The following PCGF6 variants were observed in gnomAD, a reference collection of about 807,000 sequenced individuals.
PCGF6 encodes polycomb group ring finger 6.
PCGF6 carries 24 observed loss-of-function variants against 45.5 expected under a neutral mutation model. The observed-to-expected ratio is 0.53, with a 90% CI of 0.38 to 0.74. PCGF6 has a LOEUF of 0.74. PCGF6 is among the 30% of genes least tolerant of loss of function. The probability of loss-of-function intolerance (pLI) is 0.00; values close to 1 mark genes in which losing one functional copy is unlikely to be tolerated. For synonymous variants in PCGF6, 152 were observed against 162.1 expected (o/e 0.94, Z 0.47); for missense variants, 356 against 443.2 (o/e 0.80, Z 1.77).
chr10:103,322,882 A>C (rs1564727312), intron 8 of PCGF6, among the ~76,000 whole-genome samples: 1 of 151,728 alleles, frequency 6.6e-6, no homozygotes, highest in African/African-American at 2.4e-5. Context: ...TGCCACCAAA[A>C]AAAAAACAAA....
chr10:103,343,661 T>C (rs897538741), intron 6 of PCGF6, among the ~76,000 whole-genome samples: 17 of 151,608 alleles, frequency 1.1e-4, no homozygotes, highest in African/African-American at 4.1e-4. Context: ...GGCAAAACCC[T>C]GTCTCTACTA....
At chr10:103,324,911 G>C (rs933879753) in intron 8 of PCGF6, among the ~76,000 whole-genome samples, 8 of 151,784 alleles carry the variant, frequency 5.3e-5, no homozygotes, top group Non-Finnish European at 1.2e-4. Flanking sequence ...GAGGTAGGCG[G>C]ATCACCTGAG....
At chr10:103,308,062 C>A (rs1450806934) in intron 9 of PCGF6, among the ~76,000 whole-genome samples, 1 of 152,110 alleles carries the variant, frequency 6.6e-6, no homozygotes, top group Non-Finnish European at 1.5e-5. Context: ...TAGGCAGAAG[C>A]CTGCTGTAGT....
chr10:103,331,988 G>T (rs934944581), intron 7 of PCGF6, among the ~76,000 whole-genome samples: 2 of 152,138 alleles, frequency 1.3e-5, no homozygotes, highest in African/African-American at 2.4e-5. Flanking sequence ...TAGAGATGGG[G>T]TTTCACTGTT....
intron 8 of PCGF6, among the ~76,000 whole-genome samples, chr10:103,314,797 A>G (rs112288997): frequency 0.011 from 1,695 of 151,804 alleles, 28 homozygotes; most frequent in African/African-American, 0.038. Flanking sequence ...TAAAAATACA[A>G]AAACTAACCA....
intron 8 of PCGF6, among the ~76,000 whole-genome samples, chr10:103,319,869 G>A (rs1022117440): frequency 4.6e-5 from 7 of 152,052 alleles, no homozygotes; most frequent in Non-Finnish European, 5.9e-5. Flanking sequence ...GCAGTGGTGC[G>A]ATCTCGGCTC....
At chr10:103,315,601 C>T (rs765281123) in intron 8 of PCGF6, among the ~76,000 whole-genome samples, 4 of 152,068 alleles carry the variant, frequency 2.6e-5, no homozygotes, top group East Asian at 3.9e-4. Flanking sequence ...CCTGATGATC[C>T]GCCCACCTCA....
At chr10:103,326,343 C>G (rs891283751) in intron 8 of PCGF6, among the ~76,000 whole-genome samples, 191 bp downstream of exon 8, 1 of 146,804 alleles carries the variant, frequency 6.8e-6, no homozygotes, top group Non-Finnish European at 1.5e-5. Flanking sequence ...GAGCTGAGAT[C>G]GTGCCACTGC....
chr10:103,312,084 CAAAAAA>C (rs1225426465), intron 9 of PCGF6, among the ~76,000 whole-genome samples: 1 of 47,246 alleles, frequency 2.1e-5, no homozygotes, highest in African/African-American at 9.4e-5. Context: ...ACTCTGTCTC[CAAAAAA>C]AAAAAAAAAA....
At chr10:103,317,869 C>T (rs887187482) in intron 8 of PCGF6, among the ~76,000 whole-genome samples, 2 of 151,714 alleles carry the variant, frequency 1.3e-5, no homozygotes, top group Non-Finnish European at 2.9e-5. Context: ...AGCAATTCTC[C>T]TGCCTCAGCC....
chr10:103,304,498 G>A (rs1429159011), intron 9 of PCGF6, among the ~76,000 whole-genome samples: 1 of 151,824 alleles, frequency 6.6e-6, no homozygotes, highest in South Asian at 2.1e-4. Flanking sequence ...GTGCTACCAG[G>A]CCCAGCTAAA....
intron 9 of PCGF6, among the ~76,000 whole-genome samples, chr10:103,309,400 G>C (rs182194353): frequency 6.6e-6 from 1 of 152,148 alleles, no homozygotes; most frequent in Non-Finnish European, 1.5e-5. Context: ...TGTGTGATAT[G>C]GTTGTTTAAA....
chr10:103,309,193 T>TGG (rs1342283855), intron 9 of PCGF6, among the ~76,000 whole-genome samples: 1 of 129,596 alleles, frequency 7.7e-6, no homozygotes, highest in African/African-American at 2.9e-5. Context: ...ACATGAGATT[T>TGG]GGTGGGGGGG....
chr10:103,313,421 C>T (rs1043421090), intron 9 of PCGF6, among the ~76,000 whole-genome samples: 10 of 151,978 alleles, frequency 6.6e-5, no homozygotes, highest in Non-Finnish European at 8.8e-5. Flanking sequence ...AAAAATCAGC[C>T]GGGTGTGGTG....
chr10:103,336,280 AAT>A (rs1324697168), intron 6 of PCGF6, among the ~76,000 whole-genome samples: 3 of 151,382 alleles, frequency 2.0e-5, no homozygotes, highest in Non-Finnish European at 4.4e-5. Context: ...AGAAAAAAGT[AAT>A]AGAGATACAG....
chr10:103,318,829 T>A (rs910021659), intron 8 of PCGF6, among the ~76,000 whole-genome samples: 7 of 152,216 alleles, frequency 4.6e-5, no homozygotes, highest in African/African-American at 1.2e-4. Flanking sequence ...AGAAAACTTT[T>A]CACATTAGTG....
intron 6 of PCGF6, among the ~76,000 whole-genome samples, chr10:103,337,022 A>C (rs1035187242): frequency 6.6e-6 from 1 of 152,128 alleles, no homozygotes; most frequent in Non-Finnish European, 1.5e-5. Context: ...TTTTAAACTA[A>C]TTTGAGGGAC....
Position 103,347,386 on chromosome 10 carries a change from GAA to G in PCGF6, c.613+7_613+8del, listed in dbSNP as rs777022098. On this transcript the variant is annotated splice_region_variant and intron_variant, in intron 4 of 9. Transcript: ENST00000369847. The stretch of plus-strand genomic sequence containing the variant: ...TGGGATTCACAACCATGTAATAAAA[GAA>G]ACTTACTTTCCTCTAGATTGATCAC... 8 of 1,600,160 alleles carry G rather than the reference GAA, an allele frequency of 5.0e-6. No homozygotes were observed. The highest frequency in any genetic ancestry group is 6.0e-6 in the Non-Finnish European group (7 of 1,168,182).
intron 6 of PCGF6, among the ~76,000 whole-genome samples, chr10:103,342,187 C>T (rs1211544311): frequency 6.6e-6 from 1 of 151,840 alleles, no homozygotes; most frequent in Non-Finnish European, 1.5e-5. Context: ...CCGCCCACCT[C>T]GGCCTCCTCA....
Sources: allele counts gnomAD v4.1 joint callset (sites outside exome capture counted in the v4.1 genomes callset), GRCh38; gene constraint gnomAD v4.1.1; transcripts MANE v1.5; gene names NCBI Gene and HGNC (gene_info 2026-07-23, HGNC 2026-07-21).